BCAT1: variants seen among roughly 807,000 people sequenced by gnomAD.
The protein encoded by BCAT1 is branched-chain-amino-acid aminotransferase, cytosolic.
In BCAT1, 48 loss-of-function variants were observed where a neutral mutation model predicts 52.4. That is an observed-to-expected ratio of 0.92 (90% confidence interval 0.73 to 1.16). BCAT1 has a LOEUF of 1.16. Among genes scored for constraint, BCAT1 ranks in the 50% most tolerant of loss-of-function variants. The pLI, the probability that BCAT1 is intolerant of heterozygous loss-of-function variation, is 0.00. For missense variants in BCAT1, 451 were observed against 457.1 expected (o/e 0.99, Z 0.12); for synonymous variants, 167 against 161.3 (o/e 1.04, Z -0.27).
At chr12:24,895,511 G>A (rs1942939827) in intron 2 of BCAT1, among the ~76,000 whole-genome samples, 1 of 149,542 alleles carries the variant, frequency 6.7e-6, no homozygotes, top group African/African-American at 2.5e-5. Context: ...GGGAGACAGA[G>A]CAAGACTCTG....
At chr12:24,946,322 G>C (rs1943932113) in intron 1 of BCAT1, among the ~76,000 whole-genome samples, 1 of 152,142 alleles carries the variant, frequency 6.6e-6, no homozygotes, top group African/African-American at 2.4e-5. Context: ...TGGAATGTCA[G>C]CCTACGGACA....
At chr12:24,914,843 A>G (rs918646887) in intron 1 of BCAT1, among the ~76,000 whole-genome samples, 43 of 152,224 alleles carry the variant, frequency 2.8e-4, no homozygotes, top group African/African-American at 1.0e-3. Context: ...ATTAGGAAAC[A>G]TTAGTTTGGA....
chr12:24,902,077 A>G, intron 1 of BCAT1, 192 bp from the exon 2 acceptor site: 4 of 1,500,226 alleles, frequency 2.7e-6, no homozygotes, highest in Non-Finnish European at 3.5e-6. Context: ...GCTGCCCTGC[A>G]CTTCCCACCC....
chr12:24,861,945 C>T (rs1027398164), intron 5 of BCAT1, among the ~76,000 whole-genome samples: 1 of 152,182 alleles, frequency 6.6e-6, no homozygotes, highest in African/African-American at 2.4e-5. Flanking sequence ...CATTAGCATG[C>T]TAAAAGACAT....
chr12:24,850,012 A>G, intron 5 of BCAT1, 63 bp from the exon 6 acceptor site: 1 of 1,390,796 alleles, frequency 7.2e-7, no homozygotes, highest in Non-Finnish European at 9.7e-7. Flanking sequence ...CTTAAAGTCT[A>G]GAATAGATTT....
chr12:24,813,847 C>T lies in BCAT1; in HGVS notation c.*4161G>A, dbSNP rs1939777813. ...CTAACTATTCAGCTATCTAACTATG[C>T]TTTTATAGCTACAATCAGTTCAAGT... On this transcript the variant is annotated 3_prime_UTR_variant, in exon 11 of 11. Coordinates refer to ENST00000261192, the MANE Select transcript of BCAT1 (RefSeq NM_005504.7). 6.6e-6 allele frequency: 1 copy of T among 152,074 alleles called. No individual in the cohort carries two copies. Among genetic ancestry groups the T allele is most frequent in the East Asian group, 1.9e-4 (1 of 5,194 alleles). 9.4% of individuals were successfully genotyped at this position (152,074 alleles called of 1,614,324 possible).
At chr12:24,873,478 T>C (rs1363131874) in intron 5 of BCAT1, among the ~76,000 whole-genome samples, 1 of 152,212 alleles carries the variant, frequency 6.6e-6, no homozygotes, top group African/African-American at 2.4e-5. Flanking sequence ...AGTACATGGA[T>C]TTAAATATTT....
chr12:24,873,302 G>A (rs1197905412), intron 5 of BCAT1, among the ~76,000 whole-genome samples: 1 of 152,180 alleles, frequency 6.6e-6, no homozygotes, highest in Non-Finnish European at 1.5e-5. Context: ...CCTCCAGACT[G>A]TAGTTTCTCT....
At chr12:24,867,308 G>A (rs1157042449) in intron 5 of BCAT1, among the ~76,000 whole-genome samples, 1 of 150,748 alleles carries the variant, frequency 6.6e-6, no homozygotes, top group South Asian at 2.1e-4. Flanking sequence ...TTCCGGATAC[G>A]CTACCATGTT....
intron 9 of BCAT1, chr12:24,830,781 C>A (rs4963808): frequency 0.86 from 131,565 of 152,178 alleles, 56,899 homozygotes; most frequent in Admixed American, 0.89. Context: ...TTGATGCATT[C>A]TTATCAATGT....
At chr12:24,924,996 A>G (rs756501936) in intron 1 of BCAT1, among the ~76,000 whole-genome samples, 6 of 152,230 alleles carry the variant, frequency 3.9e-5, no homozygotes, top group Non-Finnish European at 8.8e-5. Context: ...TTTTTGAAAC[A>G]GTAGTTCTTT....
chr12:24,891,797 G>A (rs1393632306), intron 3 of BCAT1, among the ~76,000 whole-genome samples: 2 of 151,182 alleles, frequency 1.3e-5, no homozygotes, highest in Non-Finnish European at 2.9e-5. Context: ...CACCCAGTGT[G>A]GAGTGCAGCG....
At chr12:24,916,970 T>A (rs1943420409) in intron 1 of BCAT1, among the ~76,000 whole-genome samples, 1 of 152,158 alleles carries the variant, frequency 6.6e-6, no homozygotes, top group Admixed American at 6.5e-5. Context: ...CTCACAGAAG[T>A]ATACTTTACC....
chr12:24,899,790 A>C (rs929699120), intron 2 of BCAT1, among the ~76,000 whole-genome samples: 8 of 147,906 alleles, frequency 5.4e-5, no homozygotes, highest in African/African-American at 9.9e-5. Context: ...AAAAAAAAAA[A>C]CCCAGAAAAA....
chr12:24,948,998 G>C lies in BCAT1; in HGVS notation c.-66C>G. 6.5e-7 allele frequency: 1 copy of C among 1,547,956 alleles called. No homozygotes were observed. The highest frequency in any genetic ancestry group is 8.8e-7 in the Non-Finnish European group (1 of 1,140,160). On this transcript the variant is annotated 5_prime_UTR_variant, in exon 1 of 11. Coordinates refer to ENST00000261192, the MANE Select transcript of BCAT1 (RefSeq NM_005504.7). ...GCAGATCCCAAGGGTCGTAGCCCCT[G>C]GCCGTGTGGACCGGGTCTGCGGCTG... is the stretch of plus-strand genomic sequence containing the variant.
At chr12:24,922,237 G>A (rs1164876525) in intron 1 of BCAT1, among the ~76,000 whole-genome samples, 5 of 152,064 alleles carry the variant, frequency 3.3e-5, no homozygotes, top group East Asian at 3.9e-4. Flanking sequence ...TGATCATAGC[G>A]TACTACAGCC....
In BCAT1 at chr12:24,811,004, T is replaced by G. The variant is rs1413365188; in HGVS notation, c.*7004A>C. ...ATAGAAGTATGGTGTTTATCAGTGA[T>G]GTAGATCCATTATGACAATGAATGG... On this transcript the variant is annotated 3_prime_UTR_variant, in exon 11 of 11. Transcript: ENST00000261192. 1 of 152,194 alleles carries G rather than the reference T, an allele frequency of 6.6e-6. No individual in the cohort carries two copies. The highest frequency in any genetic ancestry group is 1.5e-5 in the Non-Finnish European group (1 of 68,024). The allele number at this position is 152,194 out of a possible 1,614,324, so 9.4% of individuals were successfully genotyped here. A position where few individuals can be genotyped will look rare whatever the true frequency, so the allele number is the denominator to read the frequency against.
chr12:24,901,761 A>C (rs1028372287), intron 2 of BCAT1, 53 bp downstream of exon 2: 5 of 1,551,168 alleles, frequency 3.2e-6, no homozygotes, highest in Non-Finnish European at 3.5e-6. Context: ...CAAGAAATGG[A>C]TTTATTCAGT....
intron 5 of BCAT1, among the ~76,000 whole-genome samples, chr12:24,863,520 T>A (rs976387698): frequency 7.2e-5 from 11 of 152,176 alleles, no homozygotes; most frequent in Non-Finnish European, 1.5e-4. Context: ...GAAATACAGG[T>A]TGGCAAATTT....
Sources: allele counts gnomAD v4.1 joint callset (sites outside exome capture counted in the v4.1 genomes callset), GRCh38; gene constraint gnomAD v4.1.1; transcripts MANE v1.5; gene names NCBI Gene and HGNC (gene_info 2026-07-23, HGNC 2026-07-21).